The following CDH18 variants were observed in gnomAD, a reference collection of about 807,000 sequenced individuals.
CDH18 encodes the protein cadherin 18.
Under a neutral mutation model 67.9 loss-of-function variants are expected in CDH18, and 31 were observed. The ratio of observed to expected loss-of-function variants is 0.46; its 90% CI spans 0.34 to 0.62. The LOEUF is 0.62. CDH18 is among the 20% of genes least tolerant of loss of function. The probability of loss-of-function intolerance (pLI) is 0.01; values close to 1 mark genes in which losing one functional copy is unlikely to be tolerated. For synonymous variants in CDH18, 362 were observed against 347.2 expected (o/e 1.04, Z -0.48); for missense variants, 890 against 975.5 (o/e 0.91, Z 1.17).
chr5:20,574,472 CTTAA>C (rs1172206778), intron 1 of CDH18, among the ~76,000 whole-genome samples: 4 of 152,072 alleles, frequency 2.6e-5, no homozygotes, highest in Admixed American at 6.6e-5. Context: ...TAAAATATCT[CTTAA>C]TTAATCCAAA....
rs569494933 is a variant in CDH18 at position 19,511,375 on chromosome 5, C to A, written c.1513-8266G>T. Among the ~76,000 whole-genome samples, 28 of 152,086 alleles carry A rather than the reference C, an allele frequency of 1.8e-4. 1 individual carries two copies. The South Asian group carries it at 4.8e-3, about 26-fold the overall frequency. ...AGAGTGGGACACTGATACAAAGATA[C>A]CAAAAAATGTGAAATTGACTTTGGA... On this transcript the variant is annotated intron_variant, in intron 10 of 12. Transcript: ENST00000382275.
intron 2 of CDH18, among the ~76,000 whole-genome samples, chr5:19,904,611 C>A (rs116481813): frequency 6.6e-6 from 1 of 152,124 alleles, no homozygotes; most frequent in Non-Finnish European, 1.5e-5. Context: ...TGTCTAACTG[C>A]GGCTCTGTAA....
chr5:20,387,578 T>G (rs4866183), intron 1 of CDH18, among the ~76,000 whole-genome samples: 150,940 of 151,746 alleles, frequency 0.99, 75,075 homozygotes, highest in Middle Eastern at 1. Context: ...CTGCCTGATT[T>G]CCCTGGCCAG....
intron 2 of CDH18, among the ~76,000 whole-genome samples, chr5:20,242,437 T>C (rs528978330): frequency 6.6e-6 from 1 of 151,168 alleles, no homozygotes; most frequent in East Asian, 1.9e-4. Context: ...AGTTCAACTT[T>C]TAAAGATTGC....
chr5:20,172,211 T>TATATAC (rs1736817020), intron 2 of CDH18, among the ~76,000 whole-genome samples: 3 of 53,700 alleles, frequency 5.6e-5, no homozygotes, highest in Non-Finnish European at 1.1e-4. Context: ...TATATATATA[T>TATATAC]ATATATATAT....
Position 20,354,560 on chromosome 5 carries a change from C to T in CDH18, c.-579-99055G>A, listed in dbSNP as rs1472504391. Among the ~76,000 whole-genome samples the T allele has an allele frequency of 9.2e-5, 14 of 152,098 alleles. 1 individual carries two copies. The highest frequency in any genetic ancestry group is 6.2e-4 in the South Asian group (3 of 4,824). ...TGGGACTTCAGGTGTGCACCCCACA[C>T]GTGGCGATTTTTTGTACAGGCAGGG... is the stretch of plus-strand genomic sequence containing the variant. On this transcript the variant is annotated intron_variant, in intron 1 of 14. Transcript: ENST00000507958.
At chr5:19,822,590 G>C (rs561379961) in intron 3 of CDH18, among the ~76,000 whole-genome samples, 3 of 152,232 alleles carry the variant, frequency 2.0e-5, no homozygotes, top group East Asian at 1.9e-4. Flanking sequence ...CCCACAAGCC[G>C]CAAAACCAGC....
chr5:19,859,938 C>T lies in CDH18; in HGVS notation c.-256-20696G>A, dbSNP rs181609548. 3.1e-3 allele frequency among the ~76,000 whole-genome samples: 475 copies of T among 150,906 alleles called. 2 individuals are homozygous for T. Among genetic ancestry groups the T allele is most frequent in the African/African-American group, 9.3e-3 (382 of 41,046 alleles). On this transcript the variant is annotated intron_variant, in intron 2 of 12. Transcript: ENST00000382275. ...CTCTTTGTCACACCATAAACATATC[C>T]ATCACCTCCTAAGGTTTCTTTCTGT...
rs58031996 is a variant in CDH18, at chr5:20,257,712, A to G, written c.-579-2207T>C. Among the ~76,000 whole-genome samples the G allele has an allele frequency of 7.1e-3, 1,077 of 152,282 alleles. 12 individuals are homozygous for G. The highest frequency in any genetic ancestry group is 0.025 in the African/African-American group (1,044 of 41,582). ...TACACATTTATTTAAATGCGATGAA[A>G]CAATCCATTCAAATACTTTTGAAAA... On this transcript the variant is annotated intron_variant, in intron 1 of 14. Coordinates refer to the CDH18 transcript ENST00000507958.
intron 2 of CDH18, among the ~76,000 whole-genome samples, chr5:19,972,777 A>T (rs1436803359): frequency 2.0e-5 from 3 of 151,972 alleles, no homozygotes; most frequent in Non-Finnish European, 4.4e-5. Flanking sequence ...TACAATATAC[A>T]CTCAGGAAAA....
chr5:20,428,705 CT>C (rs1434176833), intron 1 of CDH18, among the ~76,000 whole-genome samples: 3 of 152,124 alleles, frequency 2.0e-5, no homozygotes, highest in East Asian at 1.9e-4. Flanking sequence ...TGATGATGCA[CT>C]TTTTTTCATA....
At chr5:20,137,461 T>C (rs879001296) in intron 2 of CDH18, among the ~76,000 whole-genome samples, 1 of 152,094 alleles carries the variant, frequency 6.6e-6, no homozygotes, top group Non-Finnish European at 1.5e-5. Context: ...CTCTATGCTG[T>C]TTATTCTAGT....
intron 1 of CDH18, among the ~76,000 whole-genome samples, chr5:20,437,128 C>A (rs539702892): frequency 3.7e-4 from 56 of 149,560 alleles, no homozygotes; most frequent in Middle Eastern, 7.0e-3. Context: ...TCAACACAGT[C>A]CAGTAATACA....
intron 7 of CDH18, among the ~76,000 whole-genome samples, chr5:19,574,804 A>G (rs1480572399): frequency 1.3e-5 from 2 of 151,842 alleles, no homozygotes; most frequent in Non-Finnish European, 2.9e-5. Flanking sequence ...GCACTTTGGG[A>G]GGCCGAGGTG....
At chr5:19,481,127 C>T (rs1190039658) in intron 12 of CDH18, among the ~76,000 whole-genome samples, 2 of 152,092 alleles carry the variant, frequency 1.3e-5, no homozygotes, top group East Asian at 3.9e-4. Flanking sequence ...TACTTTCTTC[C>T]TACTCTCACT....
intron 2 of CDH18, among the ~76,000 whole-genome samples, chr5:20,136,082 G>C (rs1749690907): frequency 6.6e-6 from 1 of 152,166 alleles, no homozygotes; most frequent in Admixed American, 6.6e-5. Context: ...ATTTGGGGTG[G>C]AGAGTTCTGT....
chr5:20,176,421 A>AT (rs1326837793), intron 2 of CDH18, among the ~76,000 whole-genome samples: 1 of 152,138 alleles, frequency 6.6e-6, no homozygotes, highest in Non-Finnish European at 1.5e-5. Context: ...CAAGCTAATT[A>AT]TTTTTTCTTG....
chr5:20,187,513 A>T (rs889369587), intron 2 of CDH18, among the ~76,000 whole-genome samples: 2 of 151,794 alleles, frequency 1.3e-5, no homozygotes, highest in African/African-American at 4.8e-5. Flanking sequence ...TACAATCTGT[A>T]TTTTTTCCCT....
intron 8 of CDH18, among the ~76,000 whole-genome samples, chr5:19,563,121 T>C (rs1160632468): frequency 6.6e-6 from 1 of 152,172 alleles, no homozygotes; most frequent in African/African-American, 2.4e-5. Context: ...TAATATACAT[T>C]TGTTTCTAAT....
Sources: allele counts gnomAD v4.1 joint callset (sites outside exome capture counted in the v4.1 genomes callset), GRCh38; gene constraint gnomAD v4.1.1; transcripts MANE v1.5; gene names NCBI Gene and HGNC (gene_info 2026-07-23, HGNC 2026-07-21).